The following LIPA variants were observed in gnomAD, a reference collection of about 807,000 sequenced individuals.
The protein encoded by LIPA is lipase A, lysosomal acid type.
In LIPA, 26 loss-of-function variants were observed where a neutral mutation model predicts 40.6. The observed-to-expected ratio is 0.64, with a 90% CI of 0.47 to 0.89. The LOEUF (loss-of-function observed/expected upper bound fraction) is 0.89. Ranked by LOEUF, LIPA falls within the 40% of genes least tolerant of loss-of-function variation. The probability of loss-of-function intolerance (pLI) is 0.00; values close to 1 mark genes in which losing one functional copy is unlikely to be tolerated. For synonymous variants in LIPA, 188 were observed against 168.4 expected (o/e 1.12, Z -0.90); for missense variants, 455 against 479.6 (o/e 0.95, Z 0.48).
chr10:89,324,208 C>T (rs755679687), intron 1 of LIPA, among the ~76,000 whole-genome samples: 13 of 152,062 alleles, frequency 8.5e-5, no homozygotes, highest in Non-Finnish European at 1.8e-4. Flanking sequence ...GAATAGAGAG[C>T]CCAAACTTAA....
chr10:89,230,323 T>C (rs1353361690), intron 3 of LIPA, among the ~76,000 whole-genome samples: 1 of 152,196 alleles, frequency 6.6e-6, no homozygotes, highest in Non-Finnish European at 1.5e-5. Context: ...GATTGATTGA[T>C]TGAGATAGGA....
chr10:89,353,376 G>A (rs1191261378), intron 2 of LIPA, among the ~76,000 whole-genome samples: 2 of 152,172 alleles, frequency 1.3e-5, no homozygotes, highest in East Asian at 3.9e-4. Context: ...CACAATTTCA[G>A]TAAACACACT....
At chr10:89,217,377 T>C (rs539838040) in intron 8 of LIPA, among the ~76,000 whole-genome samples, 2 of 152,384 alleles carry the variant, frequency 1.3e-5, no homozygotes, top group East Asian at 3.9e-4. Flanking sequence ...CTGTGGCATA[T>C]TTAACAAGCA....
At chr10:89,224,635 C>G (rs1195554395) in intron 6 of LIPA, among the ~76,000 whole-genome samples, 2 of 152,194 alleles carry the variant, frequency 1.3e-5, no homozygotes, top group Non-Finnish European at 2.9e-5. Flanking sequence ...CCTGATGAAG[C>G]TACTGGCTGT....
At chr10:89,225,327 C>CT in intron 5 of LIPA, 99 bp from the exon 6 acceptor site, 1 of 1,411,562 alleles carries the variant, frequency 7.1e-7, no homozygotes, top group Admixed American at 1.7e-5. Context: ...TCGCGGAGGC[C>CT]TGAGACCCAC....
intron 1 of LIPA, chr10:89,302,090 G>C: frequency 6.2e-7 from 1 of 1,613,790 alleles, no homozygotes; most frequent in African/African-American, 1.3e-5. Flanking sequence ...CCTGAACCGA[G>C]CCCTGCCGAA....
intron 1 of LIPA, among the ~76,000 whole-genome samples, chr10:89,290,603 C>T (rs531710701): frequency 4.6e-5 from 7 of 152,264 alleles, no homozygotes; most frequent in African/African-American, 9.6e-5. Context: ...AAAGTGAAAA[C>T]GTCCTGTCCC....
chr10:89,328,048 G>C (rs41284136), intron 1 of LIPA: 21,995 of 1,613,690 alleles, frequency 0.014, 215 homozygotes, highest in African/African-American at 0.043. Flanking sequence ...CAGCTTTTCG[G>C]AACAGCAGAG....
upstream of LIPA, chr10:89,414,671 G>C: frequency 9.1e-7 from 1 of 1,093,802 alleles, no homozygotes; most frequent in East Asian, 3.0e-5. Flanking sequence ...GAGTCCAGGG[G>C]CTGCAGAGGC....
In LIPA at chr10:89,250,107, C is replaced by CTTTTTTTTTTTTTTTTTTTTTTTTT. The variant is rs398038546; in HGVS notation, c.-2+1629_-2+1630insAAAAAAAAAAAAAAAAAAAAAAAAA. ...TTTTTCTTTTTCTTTTCTTTTCTTT[C>CTTTTTTTTTTTTTTTTTTTTTTTTT]TTTTTTTTTTTTGAGACAGTCTTGC... On this transcript the variant is annotated intron_variant, in intron 1 of 9. Coordinates refer to ENST00000336233, the MANE Select transcript of LIPA (RefSeq NM_000235.4). Among the ~76,000 whole-genome samples the CTTTTTTTTTTTTTTTTTTTTTTTTT allele has an allele frequency of 6.2e-4, 60 of 96,058 alleles. 2 individuals carry two copies. Among genetic ancestry groups the CTTTTTTTTTTTTTTTTTTTTTTTTT allele is most frequent in the Non-Finnish European group, 7.4e-4 (38 of 51,308 alleles). The allele number at this position is 96,058 out of a possible 152,430, so 63.0% of individuals were successfully genotyped here.
chr10:89,360,502 C>T (rs1844015797), intron 2 of LIPA, among the ~76,000 whole-genome samples: 1 of 152,208 alleles, frequency 6.6e-6, no homozygotes, highest in Admixed American at 6.5e-5. Flanking sequence ...TTCTAATTTA[C>T]ACAAGCACCA....
chr10:89,257,577 G>T (rs1378054882), intron 1 of LIPA, among the ~76,000 whole-genome samples: 1 of 152,206 alleles, frequency 6.6e-6, no homozygotes, highest in East Asian at 1.9e-4. Context: ...AACAAATAGT[G>T]CAAAAGAAAG....
At chr10:89,279,088 C>A (rs764607477) in intron 1 of LIPA, among the ~76,000 whole-genome samples, 33 of 152,264 alleles carry the variant, frequency 2.2e-4, no homozygotes, top group Non-Finnish European at 4.0e-4. Flanking sequence ...AAAATAGCCA[C>A]CATTCTTGAC....
intron 2 of LIPA, among the ~76,000 whole-genome samples, chr10:89,369,825 G>A (rs1289571710): frequency 6.6e-6 from 1 of 152,242 alleles, no homozygotes; most frequent in Non-Finnish European, 1.5e-5. Context: ...AGGAAAGGCA[G>A]AGAGAATGGC....
intron 1 of LIPA, among the ~76,000 whole-genome samples, chr10:89,289,890 C>T (rs1343569917): frequency 6.6e-6 from 1 of 152,016 alleles, no homozygotes; most frequent in East Asian, 1.9e-4. Flanking sequence ...ATCTCAGTCA[C>T]TCTCTCCTAG....
intron 2 of LIPA, chr10:89,383,813 C>T: frequency 6.2e-7 from 1 of 1,614,172 alleles, no homozygotes; most frequent in South Asian, 1.1e-5. Flanking sequence ...TTTGAAAAGG[C>T]TCTGGAAGGG....
chr10:89,318,084 G>A (rs1046590641), intron 1 of LIPA, among the ~76,000 whole-genome samples: 1 of 152,156 alleles, frequency 6.6e-6, no homozygotes, highest in Admixed American at 6.5e-5. Flanking sequence ...ACATGGAAAG[G>A]AACAACCGGT....
Position 89,362,887 on chromosome 10 carries a change from C to T in LIPA, c.61+49904G>A, listed in dbSNP as rs148894834. Reference sequence around the variant, plus strand: ...TATTGCCTGGACGGTTTTAACACAACAGACAGTAATGAGACATTTTCTCTG... The same window carrying T: ...TATTGCCTGGACGGTTTTAACACAATAGACAGTAATGAGACATTTTCTCTG... On this transcript the variant is annotated intron_variant, in intron 2 of 8. Coordinates refer to the LIPA transcript ENST00000371837. 66 of 287,834 alleles carry T rather than the reference C, an allele frequency of 2.3e-4. No homozygotes were observed. The East Asian group carries it at 4.0e-3, about 17-fold the overall frequency. 17.8% of individuals were successfully genotyped at this position (287,834 alleles called of 1,614,324 possible).
intron 1 of LIPA, among the ~76,000 whole-genome samples, chr10:89,312,053 T>C (rs112059177): frequency 6.6e-6 from 1 of 152,330 alleles, no homozygotes; most frequent in African/African-American, 2.4e-5. Context: ...CCTTTACGTC[T>C]TCTTCCTTCA....
Sources: allele counts gnomAD v4.1 joint callset (sites outside exome capture counted in the v4.1 genomes callset), GRCh38; gene constraint gnomAD v4.1.1; transcripts MANE v1.5; gene names NCBI Gene and HGNC (gene_info 2026-07-23, HGNC 2026-07-21).